Variants in MTF1 observed in about 807,000 individuals in gnomAD.
MTF1 encodes the protein metal regulatory transcription factor 1.
Under a neutral mutation model 70.4 loss-of-function variants are expected in MTF1, and 22 were observed. That is an observed-to-expected ratio of 0.31 (90% CI 0.22 to 0.45). The LOEUF is 0.45. Among genes scored for constraint, MTF1 ranks in the 20% least tolerant of loss-of-function variants. MTF1 has a pLI of 1.00. For missense variants in MTF1, 649 were observed against 922.0 expected (o/e 0.70, Z 3.83); for synonymous variants, 333 against 352.8 (o/e 0.94, Z 0.63).
rs774271081 is a variant in MTF1, at chr1:37,815,224, C to G, written c.2174G>C (p.Ser725Thr). The G allele has an allele frequency of 1.2e-6, 2 of 1,614,030 alleles. No homozygotes were observed. The highest frequency in any genetic ancestry group is 1.3e-5 in the African/African-American group (1 of 74,918). Residue 725 changes from serine (S) to threonine (T), a missense_variant, in exon 11 of 11, where the codon AGC (serine) becomes ACC (threonine). Ser to Thr is a moderately conservative substitution (Grantham distance 58). Coordinates refer to ENST00000373036, the MANE Select transcript of MTF1 (RefSeq NM_005955.3). This position sits in a 1 kb window ranked among gnomAD's most constrained non-coding sequence, Gnocchi z 4.5. Reference sequence around the variant, plus strand: ...AATCAGATTGGACGGGGTGTCCAGGCTCTGGAGGGATAGAAACTCTGACAC... The same window carrying G: ...AATCAGATTGGACGGGGTGTCCAGGGTCTGGAGGGATAGAAACTCTGACAC... ...MDVSEFLSLQ[S>T]LDTPSNLIPI...
At chr1:37,821,875 T>C (rs549088205) in intron 9 of MTF1, among the ~76,000 whole-genome samples, 27 of 152,222 alleles carry the variant, frequency 1.8e-4, no homozygotes, top group African/African-American at 5.3e-4. Flanking sequence ...CCAGTATCAG[T>C]AGGAATATTT....
chr1:37,815,221 A>G lies in MTF1; in HGVS notation c.2177T>C (p.Leu726Pro). 2 of 1,614,152 alleles carry G rather than the reference A, an allele frequency of 1.2e-6. No homozygotes were observed. Among genetic ancestry groups the G allele is most frequent in the Non-Finnish European group, 1.7e-6 (2 of 1,180,032 alleles). The change falls in exon 11 of 11, where the codon CTG becomes CCG. Residue 726 changes from leucine to proline, a missense_variant. Coordinates refer to ENST00000373036, the MANE Select transcript of MTF1 (RefSeq NM_005955.3). The surrounding 1 kb of genome is among the most constrained non-coding windows in gnomAD (Gnocchi z 4.5). ...DVSEFLSLQS[L>P]DTPSNLIPIE... The stretch of plus-strand genomic sequence containing the variant: ...GGGAATCAGATTGGACGGGGTGTCC[A>G]GGCTCTGGAGGGATAGAAACTCTGA...
At chr1:37,855,439 T>C (rs151147747) in intron 2 of MTF1, among the ~76,000 whole-genome samples, 7 of 152,158 alleles carry the variant, frequency 4.6e-5, no homozygotes, top group African/African-American at 1.7e-4. Flanking sequence ...AGGGATGCCA[T>C]AGGGAGATTT....
rs1640933115 is a variant in MTF1 at position 37,822,540 on chromosome 1, C to T, written c.1348G>A (p.Gly450Arg). The T allele has an allele frequency of 1.2e-6, 2 of 1,613,810 alleles. No homozygotes were observed. Among genetic ancestry groups the T allele is most frequent in the Non-Finnish European group, 1.7e-6 (2 of 1,179,990 alleles). Residue 450 changes from glycine to arginine, a missense_variant, in exon 9 of 11, where the codon GGA (glycine) becomes AGA (arginine). By Grantham distance (125) the Gly-to-Arg change is moderately radical. Transcript: ENST00000373036. ...AATGCAGCTTGCTGGGAGCCAGGTC[C>T]TAGGGAGGGAGCAGGCGGAGGAGCA... ...PSAPPPAPSL[G>R]PGSQQAAFGN... is the part of the protein sequence containing the mutation.
intron 2 of MTF1, among the ~76,000 whole-genome samples, chr1:37,848,213 G>A (rs532466864): frequency 1.3e-5 from 2 of 152,326 alleles, no homozygotes; most frequent in East Asian, 3.9e-4. Flanking sequence ...GGGGGTCTAT[G>A]AGGAAAAGAA....
In MTF1 at chr1:37,814,838, G is replaced by A. The variant is rs770171873; in HGVS notation, c.*298C>T. Reference sequence around the variant, plus strand: ...TTTCATTTAGAATTTTTATGCACACGAGTAACCTTAGTTTCCAAGTTCACA... The same window carrying A: ...TTTCATTTAGAATTTTTATGCACACAAGTAACCTTAGTTTCCAAGTTCACA... On this transcript the variant is annotated 3_prime_UTR_variant, in exon 11 of 11. Transcript: ENST00000373036. 31 of 329,218 alleles carry A rather than the reference G, an allele frequency of 9.4e-5. No homozygotes were observed. Among genetic ancestry groups the A allele is most frequent in the Admixed American group, 1.8e-4 (4 of 21,876 alleles). The allele number at this position is 329,218 out of a possible 1,614,324, so 20.4% of individuals were successfully genotyped here.
At chr1:37,850,906 T>G (rs1397924737) in intron 2 of MTF1, among the ~76,000 whole-genome samples, 1 of 151,808 alleles carries the variant, frequency 6.6e-6, no homozygotes. Flanking sequence ...ATTTGATTTC[T>G]CAAGAGTAAC....
intron 1 of MTF1, among the ~76,000 whole-genome samples, chr1:37,859,244 A>C (rs1641558658): frequency 1.3e-5 from 2 of 152,174 alleles, no homozygotes; most frequent in African/African-American, 4.8e-5. Context: ...CCTTGAGAGG[A>C]GGCTGGGAAA....
In MTF1 at chr1:37,811,509, C is replaced by T. The variant is rs1040436769; in HGVS notation, c.*3627G>A. The T allele has an allele frequency of 7.9e-5, 12 of 152,648 alleles. No individual in the cohort carries two copies. Among genetic ancestry groups the T allele is most frequent in the African/African-American group, 2.9e-4 (12 of 41,562 alleles). 9.5% of individuals were successfully genotyped at this position (152,648 alleles called of 1,614,324 possible). A position where few individuals can be genotyped will look rare whatever the true frequency, so the allele number is the denominator to read the frequency against. On this transcript the variant is annotated 3_prime_UTR_variant, in exon 11 of 11. Transcript: ENST00000373036. ...AAGTATATATATGTATATATACACA[C>T]AAAAGAAATTGCAGCAATCGGGTTA...
At chr1:37,831,685 G>C (rs1410612099) in intron 7 of MTF1, among the ~76,000 whole-genome samples, 1 of 152,116 alleles carries the variant, frequency 6.6e-6, no homozygotes, top group Non-Finnish European at 1.5e-5. Context: ...GATAAAGTGG[G>C]CTTGTCCTTT....
chr1:37,828,211 G>A, intron 7 of MTF1: 1 of 396,196 alleles, frequency 2.5e-6, no homozygotes, highest in Non-Finnish European at 4.9e-6. Flanking sequence ...CTTAGTTGTT[G>A]TAAGTCAGAA....
At chr1:37,842,405 T>C (rs1404248353) in intron 2 of MTF1, among the ~76,000 whole-genome samples, 1 of 152,264 alleles carries the variant, frequency 6.6e-6, no homozygotes, top group South Asian at 2.1e-4. Context: ...ATGGCTTTAC[T>C]GTAAGAAATT....
intron 7 of MTF1, among the ~76,000 whole-genome samples, chr1:37,825,082 C>T (rs896375189): frequency 6.6e-6 from 1 of 152,102 alleles, no homozygotes; most frequent in African/African-American, 2.4e-5. Context: ...CAACTGCCTA[C>T]AAAGTCCAGA....
rs563877720 is a variant in MTF1 at position 37,859,184 on chromosome 1, A to T, written c.-52+347T>A. 2.0e-5 allele frequency among the ~76,000 whole-genome samples: 3 copies of T among 152,324 alleles called. No homozygotes were observed. In the South Asian group the frequency reaches 6.2e-4, roughly 32 times the overall value. On this transcript the variant is annotated intron_variant, in intron 1 of 10. Coordinates refer to ENST00000373036, the MANE Select transcript of MTF1 (RefSeq NM_005955.3). ...CGCGGAGACCAACTGTCCGAAACAA[A>T]CAAGACCAGGAGGTTTGAGGGTAGC... is the stretch of plus-strand genomic sequence containing the variant.
rs1484244942 is a variant in MTF1 at position 37,822,335 on chromosome 1, G to A, written c.1553C>T (p.Ala518Val). The change falls in exon 9 of 11, where the codon GCA becomes GTA. Residue 518 changes from alanine (A) to valine (V), a missense_variant. Ala to Val is a moderately conservative substitution (Grantham distance 64). Transcript: ENST00000373036. ...AGTAGTACTTTGTGGTGGGGCTGGT[G>A]CTGCCACAGCTGATGCCACTGCCGC... ...SAAAVASAVA[A>V]PAPPQSTTEP... The A allele has an allele frequency of 1.9e-6, 3 of 1,612,608 alleles. No homozygotes were observed. The highest frequency in any genetic ancestry group is 2.5e-6 in the Non-Finnish European group (3 of 1,179,236).
chr1:37,837,241 T>C (rs1308372423), intron 4 of MTF1, among the ~76,000 whole-genome samples: 1 of 151,996 alleles, frequency 6.6e-6, no homozygotes, highest in East Asian at 1.9e-4. Flanking sequence ...TAAAATTTTC[T>C]GTAGAGTCAG....
intron 9 of MTF1, among the ~76,000 whole-genome samples, chr1:37,818,909 T>C (rs564538360): frequency 6.8e-4 from 102 of 150,676 alleles, no homozygotes; most frequent in Non-Finnish European, 4.7e-4. Context: ...AAGAGAATGG[T>C]GTGAACCTGG....
chr1:37,829,504 C>G (rs563475342), intron 7 of MTF1, among the ~76,000 whole-genome samples: 2 of 151,496 alleles, frequency 1.3e-5, no homozygotes, highest in South Asian at 4.2e-4. Context: ...TAATCCTGGC[C>G]GGGCGCGGTG....
Position 37,840,462 on chromosome 1 carries a change from C to A in MTF1, c.409-304G>T. On this transcript the variant is annotated intron_variant, in intron 2 of 10. Coordinates refer to ENST00000373036, the MANE Select transcript of MTF1 (RefSeq NM_005955.3). This position sits in a 1 kb window ranked among gnomAD's most constrained non-coding sequence, Gnocchi z 4.5. ...CCACTAAAAGTACACTATACTGTTA[C>A]AGCTACCTGTATTCAGATAAGATCT... 1 of 502,032 alleles carries A rather than the reference C, an allele frequency of 2.0e-6. No homozygotes were observed. Among genetic ancestry groups the A allele is most frequent in the Middle Eastern group, 3.0e-4 (1 of 3,344 alleles). 31.1% of individuals were successfully genotyped at this position (502,032 alleles called of 1,614,324 possible). A position where few individuals can be genotyped will look rare whatever the true frequency, so the allele number is the denominator to read the frequency against.
Sources: allele counts gnomAD v4.1 joint callset (sites outside exome capture counted in the v4.1 genomes callset), GRCh38; gene constraint gnomAD v4.1.1; non-coding constraint Gnocchi (gnomAD v3.1); transcripts MANE v1.5; gene names NCBI Gene and HGNC (gene_info 2026-07-23, HGNC 2026-07-21).